The following SHROOM4 variants were observed in gnomAD, a reference collection of about 807,000 sequenced individuals.
SHROOM4 encodes the protein shroom family member 4.
In SHROOM4, 17 loss-of-function variants were observed where a neutral mutation model predicts 80.3. The ratio of observed to expected loss-of-function variants is 0.21; its 90% CI spans 0.14 to 0.32. The LOEUF (loss-of-function observed/expected upper bound fraction) is 0.32. SHROOM4 is among the 10% of genes least tolerant of loss of function. The pLI is 1.00. For missense variants in SHROOM4, 993 were observed against 1,140.3 expected, an observed-to-expected ratio of 0.87 and a Z score of 1.86; for synonymous variants, 400 against 437.5, an observed-to-expected ratio of 0.91 and a Z score of 1.07.
intron 2 of SHROOM4, chrX:50,687,056 G>T (rs1443202419): frequency 3.6e-5 from 4 of 111,714 alleles, no homozygotes; most frequent in African/African-American, 9.8e-5. Context: ...TAAATATTCT[G>T]TGATTTTTTT....
intron 1 of SHROOM4, among the ~76,000 whole-genome samples, chrX:50,806,176 T>C (rs1239626643): frequency 9.0e-6 from 1 of 111,447 alleles, no homozygotes; most frequent in Non-Finnish European, 1.9e-5. Flanking sequence ...AGACTTGACA[T>C]GAAAGAAGGA....
intron 1 of SHROOM4, among the ~76,000 whole-genome samples, chrX:50,726,753 G>A (rs1311943539): frequency 1.8e-5 from 2 of 113,128 alleles, no homozygotes; most frequent in Admixed American, 9.3e-5. Context: ...ATGCCTGGAT[G>A]TCCAGGCAGA....
chrX:50,753,239 T>C (rs1934961302), intron 1 of SHROOM4, among the ~76,000 whole-genome samples: 1 of 111,929 alleles, frequency 8.9e-6, no homozygotes, highest in Non-Finnish European at 1.9e-5. Flanking sequence ...CCTTGGAGAA[T>C]ATTTGCAGAA....
At chrX:50,616,408 TTC>T (rs1418623671) in intron 5 of SHROOM4, among the ~76,000 whole-genome samples, 1 of 111,811 alleles carries the variant, frequency 8.9e-6, no homozygotes, top group Non-Finnish European at 1.9e-5. Context: ...TTCACAGAAC[TTC>T]TTTTATATTT....
intron 5 of SHROOM4, among the ~76,000 whole-genome samples, chrX:50,622,392 C>A (rs1930611200): frequency 8.9e-6 from 1 of 112,048 alleles, no homozygotes; most frequent in Admixed American, 9.5e-5. Context: ...GAGAGATAAT[C>A]CAGAAAATAA....
chrX:50,801,713 C>T (rs1936126219), intron 1 of SHROOM4, among the ~76,000 whole-genome samples: 1 of 111,894 alleles, frequency 8.9e-6, no homozygotes, highest in Non-Finnish European at 1.9e-5. Context: ...CACCAGGGCT[C>T]ACGCAACAGA....
At chrX:50,788,665 A>G (rs1935798090) in intron 1 of SHROOM4, among the ~76,000 whole-genome samples, 1 of 111,704 alleles carries the variant, frequency 9.0e-6, no homozygotes, top group African/African-American at 3.2e-5. Context: ...GGCAATACTA[A>G]GTTCTTCTCT....
the SHROOM4 span, among the ~76,000 whole-genome samples, chrX:50,576,865 ATTC>A: frequency 8.9e-6 from 1 of 111,765 alleles, no homozygotes; most frequent in Admixed American, 9.5e-5. Context: ...TTAAATTTCT[ATTC>A]TTCCCCCATT....
In SHROOM4 at chrX:50,634,741, C is replaced by T; in HGVS notation, c.1332G>A (p.Gln444=). 8.3e-7 allele frequency: 1 copy of T among 1,211,968 alleles called. No individual in the cohort carries two copies. Among genetic ancestry groups the T allele is most frequent in the Non-Finnish European group, 1.1e-6 (1 of 895,568 alleles). The change falls in exon 4 of 9, where the codon CAG becomes CAA. Residue 444 remains glutamine (Q), a synonymous_variant. Transcript: ENST00000376020. ...MELPPVQDGH[Q]WTLSPLHSSH... ...TGCTGTGCAAAGGGGACAGAGTCCA[C>T]TGGTGCCCATCCTGTACGGGTGGGA...
intron 2 of SHROOM4, among the ~76,000 whole-genome samples, chrX:50,655,432 C>A (rs1258352765): frequency 9.2e-6 from 1 of 108,396 alleles, no homozygotes; most frequent in Non-Finnish European, 1.9e-5. Flanking sequence ...CCATGTTGTA[C>A]AAATGACAGG....
chrX:50,658,635 A>G (rs1478623037), intron 2 of SHROOM4, among the ~76,000 whole-genome samples: 1 of 111,461 alleles, frequency 9.0e-6, no homozygotes, highest in Non-Finnish European at 1.9e-5. Flanking sequence ...CTTGTTCTTA[A>G]CCACTATTCT....
intron 1 of SHROOM4, among the ~76,000 whole-genome samples, chrX:50,800,532 G>A (rs184019791): frequency 9.3e-4 from 103 of 111,310 alleles, no homozygotes; most frequent in Non-Finnish European, 1.2e-3. Flanking sequence ...TTAGAGGTAG[G>A]GCTTGAAGGT....
At chrX:50,646,527 A>AGTGTGT (rs782016561) in intron 2 of SHROOM4, among the ~76,000 whole-genome samples, 2,666 of 78,733 alleles carry the variant, frequency 0.034, 64 homozygotes, top group Non-Finnish European at 0.044. Flanking sequence ...AGGGGGGAAG[A>AGTGTGT]GTGTGTGTGT....
At position 50,590,509 on chromosome X, in the gene SHROOM4, C is replaced by T. The variant is rs1262193738; in HGVS notation, c.*6186G>A. Among the ~76,000 whole-genome samples, 1 of 111,262 alleles carries T rather than the reference C, an allele frequency of 9.0e-6. No homozygotes were observed. Among genetic ancestry groups the T allele is most frequent in the Non-Finnish European group, 1.9e-5 (1 of 53,029 alleles). On this transcript the variant is annotated 3_prime_UTR_variant, in exon 9 of 9. Coordinates refer to ENST00000376020, the MANE Select transcript of SHROOM4 (RefSeq NM_020717.5). ...TCCTGATCCGCCCGCCACGGCCTCC[C>T]AAAGTGCTGGGATTACAGGCGTGAG...
At chrX:50,627,897 G>T (rs1930873791) in intron 4 of SHROOM4, among the ~76,000 whole-genome samples, 1 of 111,671 alleles carries the variant, frequency 9.0e-6, no homozygotes, top group African/African-American at 3.3e-5. Flanking sequence ...GAGCACTTAG[G>T]GACCTGGACA....
intron 1 of SHROOM4, among the ~76,000 whole-genome samples, chrX:50,790,461 C>T (rs1389905944): frequency 1.8e-5 from 2 of 111,136 alleles, no homozygotes; most frequent in Non-Finnish European, 3.8e-5. Flanking sequence ...ATGAGGCCAG[C>T]ATTATACCTG....
chrX:50,592,840 T>C lies in SHROOM4; in HGVS notation c.*3855A>G, dbSNP rs149522614. On this transcript the variant is annotated 3_prime_UTR_variant, in exon 9 of 9. Coordinates refer to ENST00000376020, the MANE Select transcript of SHROOM4 (RefSeq NM_020717.5). ...AACTAGACTCTGTATACTGCTTAGG[T>C]CTATACCTGAGATTACACCTATTGT... The C allele has an allele frequency of 8.9e-6, 1 of 112,671 alleles. No individual in the cohort carries two copies. 9.3% of individuals were successfully genotyped at this position (112,671 alleles called of 1,213,427 possible). A position where few individuals can be genotyped will look rare whatever the true frequency, so the allele number is the denominator to read the frequency against.
chrX:50,705,918 C>G (rs1244838866), intron 1 of SHROOM4, among the ~76,000 whole-genome samples: 4 of 108,103 alleles, frequency 3.7e-5, no homozygotes, highest in African/African-American at 6.8e-5. Context: ...TAAACAGCAG[C>G]AGATCAGAAG....
chrX:50,633,606 G>A lies in SHROOM4; in HGVS notation c.2467C>T (p.Arg823Cys), dbSNP rs781822463. The A allele has an allele frequency of 1.8e-5, 22 of 1,210,298 alleles. No homozygotes were observed. Among genetic ancestry groups the A allele is most frequent in the South Asian group, 1.1e-4 (6 of 56,774 alleles). ...PMSSSCRELR[R>C]HPMDQSYHSA... ...TGATATGATTGGTCCATGGGATGGC[G>A]CCTCAATTCCCTACAGCTGGAGCTC... The change falls in exon 4 of 9, where the codon CGC becomes TGC. Residue 823 changes from arginine to cysteine, a missense_variant. Arg to Cys is a radical substitution (Grantham distance 180, BLOSUM62 -3). Transcript: ENST00000376020.
Sources: gnomAD v4.1 joint callset for allele counts (sites outside exome capture counted in the v4.1 genomes callset) on GRCh38, gnomAD v4.1.1 for gene constraint, MANE v1.5 for transcripts, NCBI Gene and HGNC (gene_info 2026-07-23, HGNC 2026-07-21) for gene names.